TSHZ3: variants seen among roughly 807,000 people sequenced by gnomAD.
TSHZ3 encodes the protein teashirt homolog 3.
A neutral mutation model predicts 64.5 loss-of-function variants in TSHZ3; 10 were observed. The ratio of observed to expected loss-of-function variants is 0.16; its 90% CI spans 0.10 to 0.26. The LOEUF (loss-of-function observed/expected upper bound fraction) is 0.26, where lower values mean the gene tolerates loss of function less well. Ranked by LOEUF, TSHZ3 falls within the 10% of genes least tolerant of loss-of-function variation. The pLI is 1.00. For missense variants in TSHZ3, 1,242 were observed against 1,421.7 expected (o/e 0.87, Z 2.03); for synonymous variants, 608 against 593.1 (o/e 1.03, Z -0.36).
intron 5 of TSHZ3, among the ~76,000 whole-genome samples, chr19:31,183,487 C>T (rs1383998437): frequency 2.6e-5 from 4 of 152,122 alleles, no homozygotes; most frequent in Non-Finnish European, 4.4e-5. Flanking sequence ...TGGCAAAAAA[C>T]AAACAAACAA....
intron 6 of TSHZ3, among the ~76,000 whole-genome samples, chr19:31,155,308 G>A (rs1005273488): frequency 1.3e-4 from 20 of 152,202 alleles, no homozygotes; most frequent in Admixed American, 4.6e-4. Context: ...CCTTCCGACA[G>A]GGAGCAGAAT....
intron 1 of TSHZ3, among the ~76,000 whole-genome samples, chr19:31,314,402 AC>A (rs762506907): frequency 6.6e-6 from 1 of 152,202 alleles, no homozygotes; most frequent in African/African-American, 2.4e-5. Context: ...TCTCACCTGC[AC>A]GGTGGGGCTC....
intron 5 of TSHZ3, among the ~76,000 whole-genome samples, chr19:31,176,838 G>A (rs940437017): frequency 3.9e-5 from 6 of 151,934 alleles, no homozygotes; most frequent in Admixed American, 1.3e-4. Flanking sequence ...AAAACACAAC[G>A]AGATACCACC....
chr19:31,276,055 T>C lies in TSHZ3; in HGVS notation c.*492A>G, dbSNP rs1178838047. The C allele has an allele frequency of 1.3e-5, 2 of 152,798 alleles. No homozygotes were observed. The highest frequency in any genetic ancestry group is 1.3e-4 in the Admixed American group (2 of 15,292). 9.5% of individuals were successfully genotyped at this position (152,798 alleles called of 1,614,324 possible). A position where few individuals can be genotyped will look rare whatever the true frequency, so the allele number is the denominator to read the frequency against. ...CATAAATGGAGGTTCATATTATTCA[T>C]TATAACTAAGCTGGTAAGGAGTTTA... On this transcript the variant is annotated 3_prime_UTR_variant, in exon 2 of 2. Transcript: ENST00000240587.
In TSHZ3 at chr19:31,277,509, C is replaced by T. The variant is rs768362471; in HGVS notation, c.2284G>A (p.Ala762Thr). The T allele has an allele frequency of 2.5e-6, 4 of 1,606,142 alleles. No homozygotes were observed. Among genetic ancestry groups the T allele is most frequent in the East Asian group, 2.2e-5 (1 of 44,690 alleles). The stretch of plus-strand genomic sequence containing the variant: ...TGCAGGGGCGGCGGGGTGGCCACAG[C>T]AGCCTTCTCCGCCAGGCTGTTGCTC... The part of the protein sequence containing the change: ...KMSNSLAEKA[A>T]VATPPPLQSK... The change falls in exon 2 of 2, where the codon GCT (alanine) becomes ACT (threonine). Residue 762 changes from alanine to threonine, a missense_variant. By Grantham distance (58) the Ala-to-Thr change is moderately conservative (BLOSUM62 0). Transcript: ENST00000240587. This position sits in a 1 kb window ranked among gnomAD's most constrained non-coding sequence, Gnocchi z 4.5.
At position 31,349,179 on chromosome 19, in the gene TSHZ3, C is replaced by G; in HGVS notation, c.40+1G>C. Reference sequence around the variant, plus strand: ...CAGAAGGAAGGGGAAGCGGCTCGTACCTGCTGCGCGCCGGGGCGCCTGCTG... The same window carrying G: ...CAGAAGGAAGGGGAAGCGGCTCGTAGCTGCTGCGCGCCGGGGCGCCTGCTG... On this transcript the variant is annotated splice_donor_variant, in intron 1 of 1. Transcript: ENST00000240587. LOFTEE classifies it high-confidence loss of function. The G allele has an allele frequency of 6.5e-7, 1 of 1,542,060 alleles. No individual in the cohort carries two copies. Among genetic ancestry groups the G allele is most frequent in the Non-Finnish European group, 8.7e-7 (1 of 1,144,468 alleles).
upstream of TSHZ3, among the ~76,000 whole-genome samples, chr19:31,350,800 C>G (rs1046613070): frequency 4.8e-5 from 7 of 147,128 alleles, no homozygotes; most frequent in African/African-American, 9.8e-5. Flanking sequence ...AGCCGGAGCC[C>G]GAGCGGCGCG....
chr19:31,209,796 C>T (rs1568348768), intron 4 of TSHZ3, among the ~76,000 whole-genome samples: 1 of 152,020 alleles, frequency 6.6e-6, no homozygotes, highest in Non-Finnish European at 1.5e-5. Context: ...AGCAGTGATG[C>T]CCCTTAGGTG....
chr19:31,326,619 T>C (rs1916937069), intron 1 of TSHZ3, among the ~76,000 whole-genome samples: 1 of 152,250 alleles, frequency 6.6e-6, no homozygotes, highest in Admixed American at 6.5e-5. Context: ...GTAAGTCACT[T>C]TCTCATGGGG....
chr19:31,168,383 T>A (rs1171761091), intron 5 of TSHZ3, among the ~76,000 whole-genome samples: 2 of 152,212 alleles, frequency 1.3e-5, no homozygotes, highest in Non-Finnish European at 2.9e-5. Flanking sequence ...TTTCATTAGA[T>A]TCAAGCTACA....
intron 5 of TSHZ3, among the ~76,000 whole-genome samples, chr19:31,198,761 C>T (rs1352140784): frequency 6.6e-6 from 1 of 151,990 alleles, no homozygotes; most frequent in East Asian, 1.9e-4. Flanking sequence ...AACTATAAAA[C>T]TATGTTAAAC....
intron 6 of TSHZ3, among the ~76,000 whole-genome samples, chr19:31,155,129 C>G (rs922423840): frequency 3.3e-5 from 5 of 152,226 alleles, no homozygotes; most frequent in African/African-American, 1.2e-4. Flanking sequence ...AGCTAGCGAA[C>G]CAATCACCTG....
Position 31,276,490 on chromosome 19 carries a change from GTGCCTT to G in TSHZ3, c.*51_*56del. 2 of 1,474,592 alleles carry G rather than the reference GTGCCTT, an allele frequency of 1.4e-6. No homozygotes were observed. The highest frequency in any genetic ancestry group is 1.8e-6 in the Non-Finnish European group (2 of 1,096,272). 91.3% of individuals were successfully genotyped at this position (1,474,592 alleles called of 1,614,324 possible). A position where few individuals can be genotyped will look rare whatever the true frequency, so the allele number is the denominator to read the frequency against. On this transcript the variant is annotated 3_prime_UTR_variant, in exon 2 of 2. Transcript: ENST00000240587. Reference sequence around the variant, plus strand: ...ACAACAAGTCAGAGGGGGCCTGAAGGTGCCTTCCACAGTTTCCCTCAAAGCAAACTG... The same window carrying G: ...ACAACAAGTCAGAGGGGGCCTGAAGGCCACAGTTTCCCTCAAAGCAAACTG...
chr19:31,177,350 C>G (rs1974626190), intron 5 of TSHZ3, among the ~76,000 whole-genome samples: 1 of 152,196 alleles, frequency 6.6e-6, no homozygotes, highest in South Asian at 2.1e-4. Flanking sequence ...AGAGAATGGC[C>G]AGCCGGGTGG....
chr19:31,152,022 C>G (rs1344376617), intron 6 of TSHZ3, among the ~76,000 whole-genome samples: 1 of 151,840 alleles, frequency 6.6e-6, no homozygotes, highest in African/African-American at 2.4e-5. Context: ...ACTGTGCATA[C>G]AATTATCACT....
chr19:31,230,802 C>T (rs570412369), intron 3 of TSHZ3, among the ~76,000 whole-genome samples: 4 of 150,234 alleles, frequency 2.7e-5, no homozygotes, highest in East Asian at 2.0e-4. Context: ...CGGGTTCATG[C>T]CATTCTCCTG....
At chr19:31,222,017 C>G (rs1363990416) in intron 4 of TSHZ3, among the ~76,000 whole-genome samples, 2 of 152,148 alleles carry the variant, frequency 1.3e-5, no homozygotes, top group African/African-American at 4.8e-5. Flanking sequence ...GGTCCCCTGA[C>G]AGTGTACGTG....
exon 3 of TSHZ3, among the ~76,000 whole-genome samples, chr19:31,242,595 G>T (rs1198865538): frequency 6.6e-6 from 1 of 152,062 alleles, no homozygotes; most frequent in African/African-American, 2.4e-5. Context: ...AGAATCTGGA[G>T]TTCTGATGTC....
chr19:31,240,804 T>C (rs1312743275), intron 3 of TSHZ3, among the ~76,000 whole-genome samples: 1 of 152,220 alleles, frequency 6.6e-6, no homozygotes, highest in East Asian at 1.9e-4. Flanking sequence ...GTTAGGTTCA[T>C]CTGGTAATTT....
Sources: allele counts gnomAD v4.1 joint callset (sites outside exome capture counted in the v4.1 genomes callset), GRCh38; gene constraint gnomAD v4.1.1; non-coding constraint Gnocchi (gnomAD v3.1); transcripts MANE v1.5; gene names NCBI Gene and HGNC (gene_info 2026-07-23, HGNC 2026-07-21).